The following PLCH2 variants were observed in gnomAD, a reference collection of about 807,000 sequenced individuals.
PLCH2 encodes 1-phosphatidylinositol 4,5-bisphosphate phosphodiesterase eta-2.
A neutral mutation model predicts 134.7 loss-of-function variants in PLCH2; 98 were observed. That is an observed-to-expected ratio of 0.73 (90% confidence interval 0.62 to 0.86). The LOEUF is 0.86. Among genes scored for constraint, PLCH2 ranks in the 40% least tolerant of loss-of-function variants. PLCH2 has a pLI of 0.00. For synonymous variants in PLCH2, 974 were observed against 827.5 expected, an observed-to-expected ratio of 1.18 and a Z score of -3.04; for missense variants, 1,994 against 1,986.6, an observed-to-expected ratio of 1.00 and a Z score of -0.07.
chr1:2,484,368 A>C, intron 4 of PLCH2, 80 bp from the exon 5 acceptor site: 1 of 1,382,018 alleles, frequency 7.2e-7, no homozygotes, highest in South Asian at 1.3e-5. Flanking sequence ...TTGACTGGGG[A>C]GTGGGGTGGT....
intron 2 of PLCH2, 54 bp from the exon 3 acceptor site, chr1:2,479,680 A>T: frequency 6.7e-7 from 1 of 1,496,156 alleles, no homozygotes; most frequent in Admixed American, 2.0e-5. Flanking sequence ...GGCTGCCAGC[A>T]GGGGGACGCT....
chr1:2,504,503 C>T lies in PLCH2; in HGVS notation c.3541C>T (p.Pro1181Ser), dbSNP rs764764341. The T allele has an allele frequency of 3.2e-5, 51 of 1,612,060 alleles. No homozygotes were observed. In the South Asian group the frequency reaches 3.5e-4, roughly 11 times the overall value. ...NLAGAHMGRL[P>S]PRPHSASAAR... ...CGCTGGAGCCCACATGGGACGCCTGCCCCCCAGGCCCCACTCGGCTTCGGC... is the reference window on the plus strand; with the variant it reads ...CGCTGGAGCCCACATGGGACGCCTGTCCCCCAGGCCCCACTCGGCTTCGGC... The change falls in exon 22 of 22, where the codon CCC becomes TCC. Residue 1181 changes from proline to serine, a missense_variant. By Grantham distance (74) the Pro-to-Ser change is moderately conservative. Coordinates refer to ENST00000378486, the MANE Select transcript of PLCH2 (RefSeq NM_014638.4).
intron 2 of PLCH2, among the ~76,000 whole-genome samples, chr1:2,449,941 T>G (rs1325816451): frequency 6.6e-6 from 1 of 152,236 alleles, no homozygotes; most frequent in East Asian, 1.9e-4. Flanking sequence ...TTGTCTTTGA[T>G]GCATAAGTGG....
At chr1:2,491,515 C>CA (rs1414136730) in intron 11 of PLCH2, among the ~76,000 whole-genome samples, 180 bp downstream of exon 11, 19 of 152,262 alleles carry the variant, frequency 1.2e-4, no homozygotes, top group Non-Finnish European at 2.5e-4. Flanking sequence ...CCATACCCAC[C>CA]TACCAGCGGG....
At position 2,497,020 on chromosome 1, in the gene PLCH2, G is replaced by T; in HGVS notation, c.2116+10G>T. On this transcript the variant is annotated intron_variant, in intron 15 of 21. Coordinates refer to ENST00000378486, the MANE Select transcript of PLCH2 (RefSeq NM_014638.4). Reference sequence around the variant, plus strand: ...GCCGGCTGCCAAATGGGTGGGTGCGGGCATGGTGCGCTGGGTGTGGTGGGG... The same window carrying T: ...GCCGGCTGCCAAATGGGTGGGTGCGTGCATGGTGCGCTGGGTGTGGTGGGG... The T allele has an allele frequency of 6.2e-7, 1 of 1,610,178 alleles. No homozygotes were observed. The highest frequency in any genetic ancestry group is 1.1e-5 in the South Asian group (1 of 90,690).
exon 1 of PLCH2, chr1:2,467,630 C>G (rs941761769): frequency 2.4e-6 from 1 of 413,080 alleles, no homozygotes; most frequent in African/African-American, 2.0e-5. Flanking sequence ...ATGGAAGAGC[C>G]TGGGCCCCCA....
chr1:2,446,933 C>T (rs1300899220), intron 2 of PLCH2, among the ~76,000 whole-genome samples: 1 of 152,244 alleles, frequency 6.6e-6, no homozygotes, highest in Non-Finnish European at 1.5e-5. Flanking sequence ...GCACAAGCAC[C>T]TTTCCGGGGC....
chr1:2,490,558 C>T (rs1440367570), intron 10 of PLCH2, among the ~76,000 whole-genome samples: 1 of 152,168 alleles, frequency 6.6e-6, no homozygotes, highest in Non-Finnish European at 1.5e-5. Context: ...TCCAGAGGGG[C>T]CATGCATGGG....
At chr1:2,489,135 C>A in intron 8 of PLCH2, 72 bp from the exon 9 acceptor site, 4 of 1,359,312 alleles carry the variant, frequency 2.9e-6, no homozygotes, top group Non-Finnish European at 4.1e-6. Flanking sequence ...GACCTGGGAT[C>A]TTGCAGAGGT....
intron 10 of PLCH2, among the ~76,000 whole-genome samples, chr1:2,490,866 C>T (rs1642535494): frequency 6.6e-6 from 1 of 152,236 alleles, no homozygotes; most frequent in African/African-American, 2.4e-5. Context: ...TGAAGTCTGC[C>T]CCTGGCCCTG....
chr1:2,420,054 G>T, the PLCH2 span, among the ~76,000 whole-genome samples: 1 of 151,374 alleles, frequency 6.6e-6, no homozygotes, highest in Non-Finnish European at 1.5e-5. Flanking sequence ...AGCTATGGGG[G>T]TGGGGGCAGG....
rs574868946 is a variant in PLCH2 at position 2,504,272 on chromosome 1, C to A, written c.3310C>A (p.Pro1104Thr). The A allele has an allele frequency of 2.1e-5, 33 of 1,593,054 alleles. No homozygotes were observed. In the Admixed American group the frequency reaches 5.7e-4, roughly 28 times the overall value. The change falls in exon 22 of 22, where the codon CCC (proline) becomes ACC (threonine). Residue 1104 changes from proline (P) to threonine (T), a missense_variant. Pro to Thr is a conservative substitution (Grantham distance 38). Coordinates refer to ENST00000378486, the MANE Select transcript of PLCH2 (RefSeq NM_014638.4). ...VKSEGQVPTE[P>T]LGGWRPLAAP... ...GAGTGAGGGGCAGGTGCCCACGGAG[C>A]CCCTGGGAGGGTGGCGGCCCCTGGC...
chr1:2,499,808 G>T, intron 20 of PLCH2, 88 bp downstream of exon 20: 2 of 1,053,344 alleles, frequency 1.9e-6, no homozygotes, highest in Non-Finnish European at 2.9e-6. Context: ...CCCAGTGCTG[G>T]GTCCTGAACT....
rs535098770 is a variant in PLCH2, at chr1:2,444,527, G to A, written c.115+13898G>A. Among the ~76,000 whole-genome samples the A allele has an allele frequency of 3.8e-4, 53 of 139,980 alleles. 1 individual carries two copies. The East Asian group carries it at 0.012, about 32-fold the overall frequency. 91.8% of individuals were successfully genotyped at this position (139,980 alleles called of 152,430 possible). A position where few individuals can be genotyped will look rare whatever the true frequency, so the allele number is the denominator to read the frequency against. On this transcript the variant is annotated intron_variant, in intron 2 of 3. Transcript: ENST00000609981. The surrounding 1 kb of genome is among the most constrained non-coding windows in gnomAD (Gnocchi z 4.6). ...GCTGGATGGTCTGTAGGACACGGGA[G>A]GGGGAAGTGTTTGAGTGTCCACTGC...
intron 2 of PLCH2, among the ~76,000 whole-genome samples, chr1:2,452,149 A>G (rs904027553): frequency 2.0e-5 from 3 of 152,034 alleles, no homozygotes; most frequent in African/African-American, 7.2e-5. Context: ...GCCTGGAACC[A>G]CGGTGGCCGC....
Position 2,499,647 on chromosome 1 carries a change from G to T in PLCH2, c.2588G>T (p.Arg863Ile). The T allele has an allele frequency of 6.2e-7, 1 of 1,600,616 alleles. No individual in the cohort carries two copies. Among genetic ancestry groups the T allele is most frequent in the South Asian group, 1.1e-5 (1 of 88,178 alleles). Residue 863 changes from arginine (R) to isoleucine (I), a missense_variant, in exon 20 of 22, where the codon AGA becomes ATA. By Grantham distance (97) the Arg-to-Ile change is moderately conservative. Coordinates refer to ENST00000378486, the MANE Select transcript of PLCH2 (RefSeq NM_014638.4). The stretch of plus-strand genomic sequence containing the variant: ...CTGACCCACACTGCTCCAGGCTACA[G>T]ACACGTGTACCTAGAAGGGATGGAA... ...LAFSSMMPGY[R>I]HVYLEGMEEA...
At chr1:2,480,109 C>T (rs2100654085) in intron 3 of PLCH2, 74 bp from the exon 4 acceptor site, 1 of 1,591,544 alleles carries the variant, frequency 6.3e-7, no homozygotes, top group African/African-American at 1.3e-5. Flanking sequence ...CCTATTCCTT[C>T]CTCCCTAGGC....
chr1:2,458,140 G>T (rs1199017815), intron 2 of PLCH2, among the ~76,000 whole-genome samples: 1 of 152,186 alleles, frequency 6.6e-6, no homozygotes, highest in East Asian at 1.9e-4. Flanking sequence ...AGCTCTGACA[G>T]CACAGGGAAG....
chr1:2,440,038 G>A (rs1246607242), intron 2 of PLCH2, among the ~76,000 whole-genome samples: 2 of 152,090 alleles, frequency 1.3e-5, no homozygotes, highest in East Asian at 3.9e-4. Context: ...TGTGGAGAAG[G>A]GGGAGTCAGG....
Sources: allele counts gnomAD v4.1 joint callset (sites outside exome capture counted in the v4.1 genomes callset), GRCh38; gene constraint gnomAD v4.1.1; non-coding constraint Gnocchi (gnomAD v3.1); transcripts MANE v1.5; gene names NCBI Gene and HGNC (gene_info 2026-07-23, HGNC 2026-07-21).